PIGU: variants seen among roughly 807,000 people sequenced by gnomAD.
The protein encoded by PIGU is GPI-anchor transamidase component PIGU.
In PIGU, 24 loss-of-function variants were observed where a neutral mutation model predicts 49.9. The observed-to-expected ratio is 0.48, with a 90% confidence interval of 0.35 to 0.68. The LOEUF is 0.68. PIGU is among the 30% of genes least tolerant of loss of function. PIGU has a pLI of 0.01. For synonymous variants in PIGU, 220 were observed against 205.7 expected, an observed-to-expected ratio of 1.07 and a Z score of -0.59; for missense variants, 490 against 532.6, an observed-to-expected ratio of 0.92 and a Z score of 0.79.
At chr20:34,618,702 A>G (rs1011832440) in intron 6 of PIGU, among the ~76,000 whole-genome samples, 7 of 152,154 alleles carry the variant, frequency 4.6e-5, no homozygotes, top group African/African-American at 1.7e-4. Flanking sequence ...TGGGAGGATC[A>G]CTTAAGCCCT....
At chr20:34,610,237 T>C (rs1984763821) in intron 7 of PIGU, among the ~76,000 whole-genome samples, 1 of 152,150 alleles carries the variant, frequency 6.6e-6, no homozygotes, top group African/African-American at 2.4e-5. Context: ...ATAAAGCGTA[T>C]TCAAATAGGA....
chr20:34,672,087 G>A (rs1987326031), intron 1 of PIGU, among the ~76,000 whole-genome samples: 1 of 151,952 alleles, frequency 6.6e-6, no homozygotes, highest in Non-Finnish European at 1.5e-5. Context: ...TACAGGTATG[G>A]GCCAAACATG....
At chr20:34,590,260 A>C (rs1983900961) in intron 7 of PIGU, among the ~76,000 whole-genome samples, 1 of 152,138 alleles carries the variant, frequency 6.6e-6, no homozygotes, top group Non-Finnish European at 1.5e-5. Flanking sequence ...TATAACTAAA[A>C]ATCATGTTGT....
intron 6 of PIGU, 97 bp from the exon 7 acceptor site, chr20:34,616,236 A>C: frequency 7.4e-7 from 1 of 1,355,526 alleles, no homozygotes; most frequent in South Asian, 1.4e-5. Flanking sequence ...ATAACTGCTC[A>C]AATAATCACC....
intron 6 of PIGU, among the ~76,000 whole-genome samples, chr20:34,625,538 G>A (rs1293289805): frequency 6.6e-6 from 1 of 151,812 alleles, no homozygotes; most frequent in East Asian, 1.9e-4. Context: ...GGGCACAGTG[G>A]CTCACACCTG....
At chr20:34,642,104 G>A (rs1986180411) in intron 4 of PIGU, among the ~76,000 whole-genome samples, 1 of 152,052 alleles carries the variant, frequency 6.6e-6, no homozygotes, top group African/African-American at 2.4e-5. Context: ...CAAATTATTG[G>A]TGCTCTAAAT....
At chr20:34,571,247 T>A (rs941703978) in intron 11 of PIGU, among the ~76,000 whole-genome samples, 21 of 152,266 alleles carry the variant, frequency 1.4e-4, no homozygotes, top group South Asian at 6.2e-4. Context: ...GGAACAACCA[T>A]AATTAGCAAA....
intron 3 of PIGU, among the ~76,000 whole-genome samples, chr20:34,645,031 TG>T: frequency 6.6e-6 from 1 of 151,792 alleles, no homozygotes; most frequent in Non-Finnish European, 1.5e-5. Context: ...TGAGTTCCTA[TG>T]TTTTTTGTTT....
chr20:34,646,413 C>A (rs892932344), intron 2 of PIGU, among the ~76,000 whole-genome samples: 1 of 151,952 alleles, frequency 6.6e-6, no homozygotes, highest in African/African-American at 2.4e-5. Flanking sequence ...AGTTTTGATA[C>A]GTTGGATTTT....
At chr20:34,638,755 T>C (rs1186662089) in intron 4 of PIGU, among the ~76,000 whole-genome samples, 1 of 150,994 alleles carries the variant, frequency 6.6e-6, no homozygotes, top group Non-Finnish European at 1.5e-5. Flanking sequence ...TAATAGGGAG[T>C]GGGATGGGGG....
intron 1 of PIGU, among the ~76,000 whole-genome samples, chr20:34,676,255 G>A (rs1987493862): frequency 6.6e-6 from 1 of 152,106 alleles, no homozygotes; most frequent in African/African-American, 2.4e-5. Flanking sequence ...TGGAAAGGTA[G>A]GGGATAGTTT....
intron 1 of PIGU, among the ~76,000 whole-genome samples, chr20:34,665,717 A>C (rs1987069793): frequency 6.6e-6 from 1 of 152,108 alleles, no homozygotes; most frequent in South Asian, 2.1e-4. Flanking sequence ...TTTGGTGCAC[A>C]CGATTAAAAA....
chr20:34,593,638 A>G (rs753669823), intron 7 of PIGU, among the ~76,000 whole-genome samples: 15 of 152,368 alleles, frequency 9.8e-5, no homozygotes, highest in Non-Finnish European at 1.9e-4. Context: ...TTTTTAATCA[A>G]TGATGCTAGG....
intron 7 of PIGU, among the ~76,000 whole-genome samples, chr20:34,591,267 C>T (rs1370149481): frequency 1.3e-5 from 2 of 151,826 alleles, no homozygotes; most frequent in Non-Finnish European, 2.9e-5. Context: ...ATAACAGTCT[C>T]AAAATATATA....
At chr20:34,674,253 G>A (rs575947939) in intron 1 of PIGU, among the ~76,000 whole-genome samples, 43 of 151,472 alleles carry the variant, frequency 2.8e-4, no homozygotes, top group African/African-American at 1.0e-3. Flanking sequence ...TACCCAAGAG[G>A]CTGAGACGAG....
chr20:34,665,867 A>G (rs532070821), intron 1 of PIGU, among the ~76,000 whole-genome samples: 1 of 152,214 alleles, frequency 6.6e-6, no homozygotes, highest in South Asian at 2.1e-4. Context: ...CTCCATAGAA[A>G]AGAATAATCA....
chr20:34,623,087 T>C (rs746890428), intron 6 of PIGU, among the ~76,000 whole-genome samples: 13 of 151,936 alleles, frequency 8.6e-5, no homozygotes, highest in Non-Finnish European at 1.6e-4. Context: ...GGTGGGGCCA[T>C]GGGGACTGGT....
chr20:34,564,107 A>G (rs1381882625), intron 11 of PIGU, among the ~76,000 whole-genome samples: 1 of 152,184 alleles, frequency 6.6e-6, no homozygotes, highest in African/African-American at 2.4e-5. Flanking sequence ...GGGAGATGTG[A>G]CCTTACATGT....
At chr20:34,612,463 T>C (rs1299707772) in intron 7 of PIGU, among the ~76,000 whole-genome samples, 2 of 152,026 alleles carry the variant, frequency 1.3e-5, no homozygotes, top group Non-Finnish European at 2.9e-5. Context: ...GCACATTACA[T>C]AGGTTTGTTA....
Sources: allele counts gnomAD v4.1 joint callset (sites outside exome capture counted in the v4.1 genomes callset), GRCh38; gene constraint gnomAD v4.1.1; transcripts MANE v1.5; gene names NCBI Gene and HGNC (gene_info 2026-07-23, HGNC 2026-07-21).